The following PDE8A variants were observed in gnomAD, a reference collection of about 807,000 sequenced individuals.
PDE8A encodes high affinity cAMP-specific and IBMX-insensitive 3',5'-cyclic phosphodiesterase 8A.
A neutral mutation model predicts 105.0 loss-of-function variants in PDE8A; 59 were observed. The observed-to-expected ratio is 0.56, with a 90% CI of 0.46 to 0.70. The LOEUF is 0.70. Among genes scored for constraint, PDE8A ranks in the 30% least tolerant of loss-of-function variants. The pLI is 0.00. For missense variants in PDE8A, 1,014 were observed against 1,045.9 expected, an observed-to-expected ratio of 0.97 and a Z score of 0.42; for synonymous variants, 355 against 371.9, an observed-to-expected ratio of 0.95 and a Z score of 0.52.
intron 1 of PDE8A, among the ~76,000 whole-genome samples, chr15:84,999,756 G>A (rs898022969): frequency 6.6e-6 from 1 of 151,824 alleles, no homozygotes; most frequent in African/African-American, 2.4e-5. Flanking sequence ...TTGTATTTTT[G>A]GTAGAGACGG....
chr15:85,039,250 A>T (rs2080761309), intron 1 of PDE8A, among the ~76,000 whole-genome samples: 1 of 152,028 alleles, frequency 6.6e-6, no homozygotes, highest in Non-Finnish European at 1.5e-5. Flanking sequence ...ACCTAGTAAG[A>T]CCTCATTTCT....
At chr15:84,983,875 T>A (rs2079760408) in intron 1 of PDE8A, among the ~76,000 whole-genome samples, 1 of 152,236 alleles carries the variant, frequency 6.6e-6, no homozygotes, top group African/African-American at 2.4e-5. Flanking sequence ...AGGTGTCTTG[T>A]AAGCCTCCCC....
intron 3 of PDE8A, among the ~76,000 whole-genome samples, chr15:85,074,564 A>G (rs529861703): frequency 2.0e-4 from 31 of 152,316 alleles, no homozygotes; most frequent in African/African-American, 6.0e-4. Context: ...AGCCAGTGGC[A>G]TGTGCCAGCT....
At position 85,091,118 on chromosome 15, in the gene PDE8A, G is replaced by C; in HGVS notation, c.789G>C (p.Val263=). 6.2e-7 allele frequency: 1 copy of C among 1,613,104 alleles called. No homozygotes were observed. Among genetic ancestry groups the C allele is most frequent in the Non-Finnish European group, 8.5e-7 (1 of 1,179,308 alleles). The change falls in exon 8 of 22, where the codon GTG becomes GTC. Residue 263 remains valine, a synonymous_variant. Coordinates refer to ENST00000394553, the MANE Select transcript of PDE8A (RefSeq NM_002605.3). The part of the protein sequence containing the change: ...GELIGKELGE[V]PINEKKADLL... ...TAATAGGGAAGGAGTTAGGAGAAGT[G>C]CCTATAAATGAAAAAAAGGCTGACT... is the stretch of plus-strand genomic sequence containing the variant.
At chr15:85,019,559 C>G (rs1472757722) in intron 1 of PDE8A, among the ~76,000 whole-genome samples, 1 of 151,910 alleles carries the variant, frequency 6.6e-6, no homozygotes, top group Non-Finnish European at 1.5e-5. Context: ...CTTCTTAATA[C>G]TATTCATTAT....
Position 85,097,838 on chromosome 15 carries a change from T to A in PDE8A, c.853-110T>A. 3 of 658,914 alleles carry A rather than the reference T, an allele frequency of 4.6e-6. No homozygotes were observed. In the Admixed American group the frequency reaches 8.5e-5, roughly 19 times the overall value. The allele number at this position is 658,914 out of a possible 1,614,324, so 40.8% of individuals were successfully genotyped here. The stretch of plus-strand genomic sequence containing the variant: ...AAATCAGTTTGGGGTTGGGATCATT[T>A]TTTATCTTAATTGCTTTAGCAATGT... On this transcript the variant is annotated intron_variant, in intron 8 of 21. Transcript: ENST00000394553.
intron 20 of PDE8A, among the ~76,000 whole-genome samples, chr15:85,127,312 G>A (rs1461866652): frequency 6.6e-6 from 1 of 152,130 alleles, no homozygotes; most frequent in African/African-American, 2.4e-5. Context: ...ACCTTGTATT[G>A]GTGTTCCTCA....
At chr15:85,129,568 TTTCA>T (rs2082302327) in intron 20 of PDE8A, among the ~76,000 whole-genome samples, 1 of 152,228 alleles carries the variant, frequency 6.6e-6, no homozygotes, top group African/African-American at 2.4e-5. Flanking sequence ...ATGTTCCCAC[TTTCA>T]TTCTGATTTT....
chr15:85,099,110 T>C (rs1029172175), intron 9 of PDE8A, among the ~76,000 whole-genome samples: 10 of 152,378 alleles, frequency 6.6e-5, no homozygotes, highest in African/African-American at 2.4e-4. Flanking sequence ...GCCGTTGTAG[T>C]AACCGCTGTT....
chr15:85,071,056 C>G (rs1344044960), intron 3 of PDE8A, among the ~76,000 whole-genome samples: 2 of 152,094 alleles, frequency 1.3e-5, no homozygotes, highest in African/African-American at 4.8e-5. Flanking sequence ...AATAAAAACC[C>G]ACAAAGATAA....
In PDE8A at chr15:85,135,087, G is replaced by A. The variant is rs77548281; in HGVS notation, c.2254-1447G>A. ...GTGCAAGCATGGGAACGTTCTGGGC[G>A]AGGTGCTGCAGCCATGGTGAGGCCC... On this transcript the variant is annotated intron_variant, in intron 20 of 21. Coordinates refer to ENST00000394553, the MANE Select transcript of PDE8A (RefSeq NM_002605.3). 3.0e-3 allele frequency among the ~76,000 whole-genome samples: 463 copies of A among 152,270 alleles called. 1 individual carries two copies. The highest frequency in any genetic ancestry group is 4.6e-3 in the Non-Finnish European group (314 of 68,008).
intron 1 of PDE8A, among the ~76,000 whole-genome samples, chr15:85,019,943 G>GTTTTTT (rs201634002): frequency 7.7e-5 from 5 of 64,772 alleles, no homozygotes; most frequent in African/African-American, 2.5e-4. Flanking sequence ...TTTTTTTTTG[G>GTTTTTT]TTTTTTTTTT....
chr15:85,005,833 T>TAA (rs993478681), intron 1 of PDE8A, among the ~76,000 whole-genome samples: 1 of 148,028 alleles, frequency 6.8e-6, no homozygotes, highest in Admixed American at 6.7e-5. Context: ...ATAATAAGTT[T>TAA]AAAAAAAAAA....
chr15:85,114,113 C>T lies in PDE8A; in HGVS notation c.1350+76C>T, dbSNP rs980285470. On this transcript the variant is annotated intron_variant, in intron 14 of 21. Coordinates refer to ENST00000394553, the MANE Select transcript of PDE8A (RefSeq NM_002605.3). ...TTTTCTCAGAGGTTATTCACTTAAA[C>T]AGATATTGAAGAGGCAGGCAGGGCT... 6.2e-5 allele frequency: 80 copies of T among 1,298,778 alleles called. 1 individual carries two copies. The highest frequency in any genetic ancestry group is 8.7e-5 in the Non-Finnish European group (79 of 910,364). The allele number at this position is 1,298,778 out of a possible 1,614,324, so 80.5% of individuals were successfully genotyped here.
chr15:85,092,843 C>T (rs913518341), intron 8 of PDE8A, among the ~76,000 whole-genome samples: 1 of 152,084 alleles, frequency 6.6e-6, no homozygotes, highest in Non-Finnish European at 1.5e-5. Flanking sequence ...TAGCAAGAGA[C>T]CTGCTCTCTA....
At chr15:85,115,746 C>T (rs1490930995) in intron 15 of PDE8A, 1 of 539,414 alleles carries the variant, frequency 1.9e-6, no homozygotes, top group East Asian at 3.2e-5. Context: ...ATGGCAAAAT[C>T]CTGTCTCTAC....
In PDE8A at chr15:85,114,174, T is replaced by C. The variant is rs142457996; in HGVS notation, c.1350+137T>C. 6.4e-4 allele frequency: 454 copies of C among 705,240 alleles called. 2 individuals are homozygous for C. The highest frequency in any genetic ancestry group is 6.1e-3 in the African/African-American group (339 of 55,522). 43.7% of individuals were successfully genotyped at this position (705,240 alleles called of 1,614,324 possible). On this transcript the variant is annotated intron_variant, in intron 14 of 21. Transcript: ENST00000394553. ...CAGTCAAGACCTAAACTCTCCTCCATTGCCTGGGTTCTGCTATTCTCTGGC... is the reference window on the plus strand; with the variant it reads ...CAGTCAAGACCTAAACTCTCCTCCACTGCCTGGGTTCTGCTATTCTCTGGC...
chr15:85,036,476 A>G (rs2080708300), intron 1 of PDE8A, among the ~76,000 whole-genome samples: 1 of 152,194 alleles, frequency 6.6e-6, no homozygotes, highest in African/African-American at 2.4e-5. Context: ...ACCTGTATAC[A>G]TCAACCCTTC....
In PDE8A at chr15:85,137,932, T is replaced by A. The variant is rs2082438675; in HGVS notation, c.*29T>A. On this transcript the variant is annotated 3_prime_UTR_variant, in exon 22 of 22. Transcript: ENST00000394553. ...GAGACACCACCCAGAGCCCTGAAGC[T>A]TTGTTCCTTCGGTCATTTGGAATTC... 10 of 1,396,556 alleles carry A rather than the reference T, an allele frequency of 7.2e-6. No individual in the cohort carries two copies. Among genetic ancestry groups the A allele is most frequent in the Non-Finnish European group, 1.0e-5 (10 of 982,860 alleles). The allele number at this position is 1,396,556 out of a possible 1,614,324, so 86.5% of individuals were successfully genotyped here. A position where few individuals can be genotyped will look rare whatever the true frequency, so the allele number is the denominator to read the frequency against.
Sources: allele counts gnomAD v4.1 joint callset (sites outside exome capture counted in the v4.1 genomes callset), GRCh38; gene constraint gnomAD v4.1.1; transcripts MANE v1.5; gene names NCBI Gene and HGNC (gene_info 2026-07-23, HGNC 2026-07-21).